The following LMBRD1 variants were observed in gnomAD, a reference collection of about 807,000 sequenced individuals.
The protein encoded by LMBRD1 is LMBR1 domain containing 1.
A neutral mutation model predicts 74.8 loss-of-function variants in LMBRD1; 64 were observed. The observed-to-expected ratio is 0.86, with a 90% confidence interval of 0.70 to 1.05. The LOEUF is 1.05. Among genes scored for constraint, LMBRD1 ranks in the 50% least tolerant of loss-of-function variants. The pLI, the probability that LMBRD1 is intolerant of heterozygous loss-of-function variation, is 0.00. For missense variants in LMBRD1, 652 were observed against 645.9 expected, an observed-to-expected ratio of 1.01 and a Z score of -0.10; for synonymous variants, 204 against 216.3, an observed-to-expected ratio of 0.94 and a Z score of 0.50.
At chr6:69,716,586 G>C (rs1473289118) in intron 8 of LMBRD1, among the ~76,000 whole-genome samples, 2 of 152,148 alleles carry the variant, frequency 1.3e-5, no homozygotes, top group Non-Finnish European at 1.5e-5. Context: ...AATCAGTAGA[G>C]CTAGATTTTG....
chr6:69,733,741 C>T (rs776625105), intron 7 of LMBRD1, among the ~76,000 whole-genome samples: 7 of 152,186 alleles, frequency 4.6e-5, no homozygotes, highest in African/African-American at 1.2e-4. Context: ...CACACTCCCC[C>T]AACCCCAACT....
intron 2 of LMBRD1, among the ~76,000 whole-genome samples, chr6:69,788,273 T>C (rs1278975243): frequency 6.6e-6 from 1 of 152,132 alleles, no homozygotes; most frequent in Non-Finnish European, 1.5e-5. Flanking sequence ...ATTCAAACAA[T>C]AATTATACCA....
chr6:69,793,023 G>A (rs776142286), intron 1 of LMBRD1, among the ~76,000 whole-genome samples: 12 of 152,190 alleles, frequency 7.9e-5, no homozygotes, highest in Non-Finnish European at 1.0e-4. Flanking sequence ...AAGTATCCTC[G>A]TCTATAGGAA....
At chr6:69,751,703 GC>G (rs1303028531) in intron 4 of LMBRD1, among the ~76,000 whole-genome samples, 2 of 152,320 alleles carry the variant, frequency 1.3e-5, no homozygotes, top group East Asian at 3.9e-4. Context: ...TTGAACAGGG[GC>G]CAGCAAACTA....
chr6:69,754,185 A>G (rs2149878951), intron 3 of LMBRD1, among the ~76,000 whole-genome samples: 1 of 152,312 alleles, frequency 6.6e-6, no homozygotes, highest in South Asian at 2.1e-4. Flanking sequence ...GTTCAATTTT[A>G]TAAGATGGAA....
intron 5 of LMBRD1, among the ~76,000 whole-genome samples, chr6:69,748,435 C>T (rs913760855): frequency 3.9e-5 from 6 of 152,038 alleles, no homozygotes; most frequent in Non-Finnish European, 8.8e-5. Context: ...TTTCATGACA[C>T]ATCAAGGCAG....
At chr6:69,795,979 A>G (rs926610725) in intron 1 of LMBRD1, among the ~76,000 whole-genome samples, 4 of 152,248 alleles carry the variant, frequency 2.6e-5, no homozygotes, top group African/African-American at 7.2e-5. Flanking sequence ...GGACGATGAG[A>G]AAAGAGAAGA....
chr6:69,676,430 C>T lies in LMBRD1; in HGVS notation c.1509+20G>A, dbSNP rs116095397. On this transcript the variant is annotated intron_variant, in intron 15 of 15. Coordinates refer to ENST00000649934, the MANE Select transcript of LMBRD1 (RefSeq NM_018368.4). ...ATTTATAAAGGAAGGTCAAATCACGCGTGGGATATCTGCACTTACCCCAAG... is the reference window on the plus strand; with the variant it reads ...ATTTATAAAGGAAGGTCAAATCACGTGTGGGATATCTGCACTTACCCCAAG... 2.7e-5 allele frequency: 43 copies of T among 1,601,692 alleles called. No individual in the cohort carries two copies. Among genetic ancestry groups the T allele is most frequent in the Admixed American group, 1.0e-4 (6 of 59,886 alleles).
At position 69,752,256 on chromosome 6, in the gene LMBRD1, T is replaced by G. The variant is rs763405988; in HGVS notation, c.405+3A>C. On this transcript the variant is annotated splice_donor_region_variant and intron_variant, in intron 4 of 15. Transcript: ENST00000649934. ...CTAAGGCCTCTAAAATAAAGATACT[T>G]ACAGTACATTTACTAGTATCATCAT... 1 of 1,607,068 alleles carries G rather than the reference T, an allele frequency of 6.2e-7. No homozygotes were observed. Among genetic ancestry groups the G allele is most frequent in the East Asian group, 2.2e-5 (1 of 44,608 alleles).
chr6:69,756,176 C>T (rs1765262928), intron 3 of LMBRD1, among the ~76,000 whole-genome samples: 1 of 152,038 alleles, frequency 6.6e-6, no homozygotes, highest in Non-Finnish European at 1.5e-5. Context: ...GCCTGGCCAA[C>T]ATAATGAGAT....
chr6:69,792,433 C>G (rs1411705969), intron 1 of LMBRD1, among the ~76,000 whole-genome samples: 1 of 152,156 alleles, frequency 6.6e-6, no homozygotes, highest in Non-Finnish European at 1.5e-5. Flanking sequence ...TTCAGTCTGG[C>G]TAGTGTCATT....
intron 14 of LMBRD1, among the ~76,000 whole-genome samples, chr6:69,689,412 A>C (rs1765832192): frequency 6.6e-6 from 1 of 152,134 alleles, no homozygotes; most frequent in Admixed American, 6.5e-5. Context: ...CAAGAAGAGG[A>C]AAGACAGAGA....
Position 69,751,057 on chromosome 6 carries a change from TAC to T in LMBRD1, c.405+1200_405+1201del, listed in dbSNP as rs1178406619. ...TTATTGTATAACTGTTCCCCTAAAT[TAC>T]AGTGTTCGATTTTGACATATACCTT... On this transcript the variant is annotated intron_variant, in intron 4 of 15. Transcript: ENST00000649934. Among the ~76,000 whole-genome samples, 13 of 152,214 alleles carry T rather than the reference TAC, an allele frequency of 8.5e-5. No homozygotes were observed. The East Asian group carries it at 2.5e-3, about 29-fold the overall frequency.
chr6:69,692,877 G>A (rs191198592), intron 14 of LMBRD1, among the ~76,000 whole-genome samples: 1 of 152,156 alleles, frequency 6.6e-6, no homozygotes, highest in East Asian at 1.9e-4. Flanking sequence ...CTGAACATGT[G>A]TTTTCTCTGG....
intron 1 of LMBRD1, among the ~76,000 whole-genome samples, chr6:69,794,799 G>A (rs1766174285): frequency 6.6e-6 from 1 of 152,200 alleles, no homozygotes; most frequent in Non-Finnish European, 1.5e-5. Context: ...ATATTTAAAA[G>A]ATGTGCATAA....
intron 8 of LMBRD1, among the ~76,000 whole-genome samples, chr6:69,717,234 T>C (rs977314678): frequency 6.6e-6 from 1 of 152,136 alleles, no homozygotes; most frequent in African/African-American, 2.4e-5. Context: ...GTTGATTATT[T>C]TAGATTATCA....
chr6:69,704,907 G>GTTGTT lies in LMBRD1; in HGVS notation c.916-2955_916-2954insAACAA, dbSNP rs367904716. On this transcript the variant is annotated intron_variant, in intron 9 of 15. Coordinates refer to ENST00000649934, the MANE Select transcript of LMBRD1 (RefSeq NM_018368.4). ...CTAGCTTTTTTGGGATTGGACATTTGTTTTTTTTTTTTCCACTTTTACTGG... is the reference window on the plus strand; with the variant it reads ...CTAGCTTTTTTGGGATTGGACATTTGTTGTTTTTTTTTTTTTTCCACTTTTACTGG... 1.5e-3 allele frequency among the ~76,000 whole-genome samples: 204 copies of GTTGTT among 137,318 alleles called. 1 individual carries two copies. The highest frequency in any genetic ancestry group is 5.3e-3 in the African/African-American group (193 of 36,498). The allele number at this position is 137,318 out of a possible 152,430, so 90.1% of individuals were successfully genotyped here.
intron 9 of LMBRD1, among the ~76,000 whole-genome samples, chr6:69,704,061 A>G (rs78149587): frequency 6.6e-6 from 1 of 151,996 alleles, no homozygotes; most frequent in Non-Finnish European, 1.5e-5. Context: ...TCAATACATC[A>G]TATCAAGTGG....
intron 6 of LMBRD1, among the ~76,000 whole-genome samples, chr6:69,739,397 A>T (rs937279394): frequency 6.7e-6 from 1 of 150,086 alleles, no homozygotes; most frequent in African/African-American, 2.4e-5. Context: ...GGGGTCTATG[A>T]TCTGGCTGCA....
Sources: allele counts gnomAD v4.1 joint callset (sites outside exome capture counted in the v4.1 genomes callset), GRCh38; gene constraint gnomAD v4.1.1; transcripts MANE v1.5; gene names NCBI Gene and HGNC (gene_info 2026-07-23, HGNC 2026-07-21).